The following WDR27 variants were observed in gnomAD, a reference collection of about 807,000 sequenced individuals.
WDR27 encodes WD repeat domain 27.
WDR27 carries 100 observed loss-of-function variants against 114.4 expected under a neutral mutation model. The ratio of observed to expected loss-of-function variants is 0.87; its 90% CI spans 0.74 to 1.03. The LOEUF (loss-of-function observed/expected upper bound fraction) is 1.03, where lower values mean the gene tolerates loss of function less well. WDR27 is among the 50% of genes least tolerant of loss of function. The probability of loss-of-function intolerance (pLI) is 0.00; values close to 1 mark genes in which losing one functional copy is unlikely to be tolerated. For synonymous variants in WDR27, 449 were observed against 423.1 expected (o/e 1.06, Z -0.75); for missense variants, 1,129 against 1,092.9 (o/e 1.03, Z -0.47).
intron 1 of WDR27, among the ~76,000 whole-genome samples, chr6:169,691,491 G>T (rs1784492496): frequency 6.6e-6 from 1 of 152,042 alleles, no homozygotes; most frequent in Admixed American, 6.5e-5. Flanking sequence ...TGTCCTAAGG[G>T]AACAATACGA....
chr6:169,647,960 C>T (rs1290544046), intron 15 of WDR27, 90 bp from the exon 16 acceptor site: 6 of 841,484 alleles, frequency 7.1e-6, no homozygotes, highest in Non-Finnish European at 9.3e-6. Flanking sequence ...TGGGCTTCCC[C>T]CCATCTACAT....
At chr6:169,697,049 G>A (rs554079638) in intron 1 of WDR27, among the ~76,000 whole-genome samples, 6 of 152,304 alleles carry the variant, frequency 3.9e-5, no homozygotes, top group East Asian at 1.9e-4. Context: ...CCGAGGACAC[G>A]AGCTGTTCCA....
At chr6:169,694,502 A>T (rs1785326186) in intron 1 of WDR27, among the ~76,000 whole-genome samples, 1 of 152,220 alleles carries the variant, frequency 6.6e-6, no homozygotes, top group African/African-American at 2.4e-5. Context: ...CCATCATAAC[A>T]TTGATTATAA....
rs377427490 is a variant in WDR27, at chr6:169,501,390, G to A, written c.2646-43756C>T. Among the ~76,000 whole-genome samples the A allele has an allele frequency of 8.4e-4, 128 of 152,304 alleles. 1 individual carries two copies. Among genetic ancestry groups the A allele is most frequent in the African/African-American group, 2.8e-3 (117 of 41,556 alleles). ...TTCTAAGCCACCGAGGGAGTCACGC[G>A]GCTTTAAGGCAGTAGCCCGCAGATG... On this transcript the variant is annotated intron_variant, in intron 25 of 25. Coordinates refer to ENST00000448612, the MANE Select transcript of WDR27 (RefSeq NM_182552.5).
At chr6:169,679,186 C>T (rs1326572575) in intron 2 of WDR27, among the ~76,000 whole-genome samples, 4 of 152,180 alleles carry the variant, frequency 2.6e-5, no homozygotes, top group Non-Finnish European at 5.9e-5. Flanking sequence ...TGATTGATGT[C>T]TCATGCCTCC....
At chr6:169,483,044 G>A (rs1307323125) in intron 25 of WDR27, among the ~76,000 whole-genome samples, 1 of 152,084 alleles carries the variant, frequency 6.6e-6, no homozygotes, top group Non-Finnish European at 1.5e-5. Context: ...AGTATTAAGA[G>A]GGAAATTTAT....
At position 169,659,123 on chromosome 6, in the gene WDR27, ACTGCT is replaced by A; in HGVS notation, c.1277_1281del (p.Gln426LeufsTer36). 6.3e-7 allele frequency: 1 copy of A among 1,598,888 alleles called. No homozygotes were observed. The highest frequency in any genetic ancestry group is 8.5e-7 in the Non-Finnish European group (1 of 1,173,662). ...GAGAGGCTCTGCCCCATGCTGGGGC[ACTGCT>A]GAGCCCTGACTAGCGCGGCCGGGTT... On this transcript the variant is annotated frameshift_variant, in exon 12 of 26. Coordinates refer to ENST00000448612, the MANE Select transcript of WDR27 (RefSeq NM_182552.5). LOFTEE classifies it high-confidence loss of function. This position sits in a 1 kb window ranked among gnomAD's most constrained non-coding sequence, Gnocchi z 4.3.
chr6:169,464,199 GATAGA>G (rs1785255909), intron 25 of WDR27, among the ~76,000 whole-genome samples: 1 of 152,166 alleles, frequency 6.6e-6, no homozygotes, highest in Non-Finnish European at 1.5e-5. Context: ...AGACAAATGG[GATAGA>G]ATAGAAGGCC....
intron 25 of WDR27, among the ~76,000 whole-genome samples, chr6:169,466,774 G>A (rs898417210): frequency 6.6e-6 from 1 of 152,072 alleles, no homozygotes; most frequent in Non-Finnish European, 1.5e-5. Context: ...TTCTGCCCCG[G>A]CTCCTCCCAA....
chr6:169,431,737 T>A, the WDR27 span, among the ~76,000 whole-genome samples: 2 of 152,244 alleles, frequency 1.3e-5, no homozygotes, highest in Non-Finnish European at 2.9e-5. Flanking sequence ...AAAGTTTAAA[T>A]ACTTGCCAAG....
chr6:169,489,053 AGGG>A (rs1331919499), intron 25 of WDR27, among the ~76,000 whole-genome samples: 1 of 150,688 alleles, frequency 6.6e-6, no homozygotes, highest in African/African-American at 2.4e-5. Flanking sequence ...TTCAGAGATG[AGGG>A]TGATCTCAGA....
intron 25 of WDR27, among the ~76,000 whole-genome samples, chr6:169,480,367 C>G (rs994423119): frequency 6.6e-6 from 1 of 152,218 alleles, no homozygotes; most frequent in African/African-American, 2.4e-5. Context: ...CCCTGACGGG[C>G]ACCACCCCCT....
intron 25 of WDR27, among the ~76,000 whole-genome samples, chr6:169,516,222 G>GT (rs1477575680): frequency 6.6e-6 from 1 of 152,180 alleles, no homozygotes; most frequent in African/African-American, 2.4e-5. Flanking sequence ...ATCTGCTGTA[G>GT]TAAGAAATAA....
intron 21 of WDR27, among the ~76,000 whole-genome samples, chr6:169,620,736 G>A (rs1455509031): frequency 6.6e-6 from 1 of 152,036 alleles, no homozygotes; most frequent in Admixed American, 6.5e-5. Flanking sequence ...CCTTAACCTT[G>A]GTGAAATAAA....
At chr6:169,619,319 T>C (rs1312298388) in intron 21 of WDR27, among the ~76,000 whole-genome samples, 15 of 152,228 alleles carry the variant, frequency 9.9e-5, no homozygotes, top group Admixed American at 9.2e-4. Context: ...CAAGGCCAAC[T>C]TGTAAAAACA....
intron 18 of WDR27, among the ~76,000 whole-genome samples, chr6:169,638,285 C>T (rs1274878300): frequency 2.9e-5 from 2 of 70,130 alleles, no homozygotes; most frequent in South Asian, 3.8e-4. Flanking sequence ...CACTGCAGTC[C>T]GCAGTCCGAC....
At chr6:169,646,641 G>A (rs539788043) in intron 16 of WDR27, among the ~76,000 whole-genome samples, 123 of 151,894 alleles carry the variant, frequency 8.1e-4, no homozygotes, top group East Asian at 4.5e-3. Flanking sequence ...CTAGCTACGC[G>A]TGACGCTGAG....
intron 25 of WDR27, among the ~76,000 whole-genome samples, chr6:169,510,787 TAAA>T (rs1207457574): frequency 6.6e-6 from 1 of 151,538 alleles, no homozygotes; most frequent in African/African-American, 2.4e-5. Context: ...ATAATAATAA[TAAA>T]AAAAGACAAA....
At position 169,643,733 on chromosome 6, in the gene WDR27, C is replaced by G; in HGVS notation, c.1711G>C (p.Asp571His). 6.2e-7 allele frequency: 1 copy of G among 1,613,740 alleles called. No homozygotes were observed. The highest frequency in any genetic ancestry group is 2.2e-5 in the East Asian group (1 of 44,890). ...GLANHLLLVF[D>H]ASLTGTPAVF... ...GCAGGTGTCCCAGTCAGGCTGGCAT[C>G]AAAAACGAGTAACAGATGGTTGGCC... Residue 571 changes from aspartate (D) to histidine (H), a missense_variant, in exon 17 of 26, where the codon GAT (aspartate) becomes CAT (histidine). Physicochemically the swap from Asp to His is moderately conservative, Grantham distance 81 (BLOSUM62 -1). Coordinates refer to ENST00000448612, the MANE Select transcript of WDR27 (RefSeq NM_182552.5).
Sources: allele counts gnomAD v4.1 joint callset (sites outside exome capture counted in the v4.1 genomes callset), GRCh38; gene constraint gnomAD v4.1.1; non-coding constraint Gnocchi (gnomAD v3.1); transcripts MANE v1.5; gene names NCBI Gene and HGNC (gene_info 2026-07-23, HGNC 2026-07-21).